Variants in PLEKHG1 observed in about 807,000 individuals in gnomAD.
PLEKHG1 encodes the protein pleckstrin homology and RhoGEF domain containing G1.
Under a neutral mutation model 100.8 loss-of-function variants are expected in PLEKHG1, and 44 were observed. That is an observed-to-expected ratio of 0.44 (90% CI 0.34 to 0.56). The LOEUF (loss-of-function observed/expected upper bound fraction) is 0.56, where lower values mean the gene tolerates loss of function less well. Ranked by LOEUF, PLEKHG1 falls within the 20% of genes least tolerant of loss-of-function variation. The pLI is 0.01. For missense variants in PLEKHG1, 1,545 were observed against 1,720.9 expected (o/e 0.90, Z 1.81); for synonymous variants, 640 against 662.5 (o/e 0.97, Z 0.52).
At chr6:150,729,539 G>A (rs1782136424) in intron 1 of PLEKHG1, among the ~76,000 whole-genome samples, 1 of 152,140 alleles carries the variant, frequency 6.6e-6, no homozygotes, top group South Asian at 2.1e-4. Context: ...TTTATGAGGT[G>A]CATTTTCCTA....
intron 1 of PLEKHG1, among the ~76,000 whole-genome samples, chr6:150,616,315 G>T (rs144164846): frequency 1.3e-5 from 2 of 152,286 alleles, no homozygotes; most frequent in East Asian, 3.9e-4. Context: ...AGTTAAAATT[G>T]AGGATGGTAT....
intron 3 of PLEKHG1, among the ~76,000 whole-genome samples, chr6:150,665,902 C>T (rs1779378319): frequency 6.6e-6 from 1 of 152,086 alleles, no homozygotes; most frequent in South Asian, 2.1e-4. Context: ...ACAGTTAAGG[C>T]TAAAGGAATC....
At chr6:150,784,081 A>G (rs1335597128) in intron 3 of PLEKHG1, among the ~76,000 whole-genome samples, 2 of 152,162 alleles carry the variant, frequency 1.3e-5, no homozygotes, top group Non-Finnish European at 2.9e-5. Flanking sequence ...ATGTCTCAGT[A>G]TTTTTATGAG....
intron 3 of PLEKHG1, among the ~76,000 whole-genome samples, chr6:150,681,073 G>A (rs1236278835): frequency 1.3e-5 from 2 of 152,174 alleles, no homozygotes; most frequent in Non-Finnish European, 2.9e-5. Flanking sequence ...AACCATACAT[G>A]CATTGGTGTT....
chr6:150,776,528 CAT>C (rs1293999271), intron 3 of PLEKHG1, among the ~76,000 whole-genome samples: 8 of 134,956 alleles, frequency 5.9e-5, no homozygotes, highest in Non-Finnish European at 1.2e-4. Context: ...TCCTGGTGCA[CAT>C]GTGTGGTTGC....
At chr6:150,783,328 A>C (rs562595278) in intron 3 of PLEKHG1, among the ~76,000 whole-genome samples, 2 of 152,058 alleles carry the variant, frequency 1.3e-5, no homozygotes, top group African/African-American at 2.4e-5. Context: ...TTAAAACTGC[A>C]AGGGAGGAAA....
chr6:150,617,094 C>T (rs74527856), intron 1 of PLEKHG1, among the ~76,000 whole-genome samples: 26,561 of 152,212 alleles, frequency 0.17, 2,772 homozygotes, highest in Middle Eastern at 0.26. Flanking sequence ...TGTGAATTTT[C>T]TTGCATTGCA....
intron 7 of PLEKHG1, among the ~76,000 whole-genome samples, chr6:150,807,887 T>C (rs1236767424): frequency 6.6e-6 from 1 of 152,116 alleles, no homozygotes; most frequent in African/African-American, 2.4e-5. Flanking sequence ...GAGAATCGCT[T>C]GAACCCAGGA....
At chr6:150,830,862 G>T in exon 15 of PLEKHG1, 1 of 1,614,138 alleles carries the variant, frequency 6.2e-7, no homozygotes, top group Non-Finnish European at 8.5e-7. Flanking sequence ...ACTTCTAGTC[G>T]CCCTTGCAGC....
At chr6:150,631,156 G>C (rs1164940958) in intron 1 of PLEKHG1, among the ~76,000 whole-genome samples, 1 of 152,132 alleles carries the variant, frequency 6.6e-6, no homozygotes, top group Non-Finnish European at 1.5e-5. Context: ...TGGAGCAGAG[G>C]TTTCTGCATC....
At chr6:150,805,281 G>A (rs1583165590) in intron 7 of PLEKHG1, among the ~76,000 whole-genome samples, 1 of 152,212 alleles carries the variant, frequency 6.6e-6, no homozygotes, top group East Asian at 1.9e-4. Flanking sequence ...CCCCTTTGAT[G>A]GTCTAAGTTA....
Position 150,674,628 on chromosome 6 carries a change from CCTCCCTCTCTCT to C in PLEKHG1, c.-99+23846_-99+23857del, listed in dbSNP as rs1325524217. 4.9e-3 allele frequency among the ~76,000 whole-genome samples: 252 copies of C among 51,890 alleles called. 6 individuals carry two copies. Among genetic ancestry groups the C allele is most frequent in the Non-Finnish European group, 5.4e-3 (138 of 25,716 alleles). The allele number at this position is 51,890 out of a possible 152,430, so 34.0% of individuals were successfully genotyped here. On this transcript the variant is annotated intron_variant, in intron 3 of 3. Coordinates refer to the PLEKHG1 transcript ENST00000367326. Reference sequence around the variant, plus strand: ...ATTACACCTGTAACTTTCTCTCTCTCCTCCCTCTCTCTCTCTCTCTCTCTCTCTCTCTCTCTC... The same window carrying C: ...ATTACACCTGTAACTTTCTCTCTCTCCTCTCTCTCTCTCTCTCTCTCTCTC...
At chr6:150,730,340 G>A (rs948319570) in intron 1 of PLEKHG1, among the ~76,000 whole-genome samples, 2 of 143,642 alleles carry the variant, frequency 1.4e-5, no homozygotes, top group African/African-American at 5.2e-5. Flanking sequence ...TGGTGGGGGT[G>A]TGGGGGTGGG....
At chr6:150,684,923 G>A (rs779871926) in intron 3 of PLEKHG1, among the ~76,000 whole-genome samples, 11 of 152,236 alleles carry the variant, frequency 7.2e-5, no homozygotes, top group South Asian at 2.1e-4. Context: ...GCATCGCTGC[G>A]TTTTCTCTGC....
intron 1 of PLEKHG1, among the ~76,000 whole-genome samples, chr6:150,722,093 A>G (rs934064880): frequency 3.3e-4 from 50 of 152,140 alleles, no homozygotes; most frequent in African/African-American, 1.1e-3. Context: ...TTTATTATAT[A>G]TTCCTTCAAT....
At chr6:150,713,176 C>G (rs6919871) in intron 3 of PLEKHG1, among the ~76,000 whole-genome samples, 138,655 of 152,244 alleles carry the variant, frequency 0.91, 63,216 homozygotes, top group Non-Finnish European at 0.92. Context: ...GGATGTTGCT[C>G]TGTGCCTCGA....
chr6:150,669,175 G>A (rs113611782), intron 3 of PLEKHG1, among the ~76,000 whole-genome samples: 2 of 152,172 alleles, frequency 1.3e-5, no homozygotes, highest in African/African-American at 4.8e-5. Flanking sequence ...ACAAAAGGAG[G>A]CTCCTGACTT....
intron 3 of PLEKHG1, among the ~76,000 whole-genome samples, chr6:150,699,081 T>C (rs572822484): frequency 1.3e-5 from 2 of 152,316 alleles, no homozygotes; most frequent in South Asian, 4.1e-4. Flanking sequence ...ACTGGTGAAA[T>C]CTGAATGTAC....
chr6:150,642,549 T>G (rs1349838747), intron 2 of PLEKHG1, among the ~76,000 whole-genome samples: 1 of 152,252 alleles, frequency 6.6e-6, no homozygotes, highest in Non-Finnish European at 1.5e-5. Flanking sequence ...TGTATTTTGT[T>G]ATGCTTTTAA....
Sources: allele counts gnomAD v4.1 joint callset (sites outside exome capture counted in the v4.1 genomes callset), GRCh38; gene constraint gnomAD v4.1.1; transcripts MANE v1.5; gene names NCBI Gene and HGNC (gene_info 2026-07-23, HGNC 2026-07-21).